SNAP47: variants seen among roughly 807,000 people sequenced by gnomAD.
The protein encoded by SNAP47 is synaptosomal-associated protein 47.
SNAP47 carries 20 observed loss-of-function variants against 31.4 expected under a neutral mutation model. The observed-to-expected ratio is 0.64, with a 90% CI of 0.45 to 0.93. The LOEUF is 0.93. Among genes scored for constraint, SNAP47 ranks in the 40% least tolerant of loss-of-function variants. The probability of loss-of-function intolerance (pLI) is 0.00; values close to 1 mark genes in which losing one functional copy is unlikely to be tolerated. For missense variants in SNAP47, 492 were observed against 528.5 expected (o/e 0.93, Z 0.68); for synonymous variants, 194 against 213.4 (o/e 0.91, Z 0.79).
upstream of SNAP47, chr1:227,732,902 G>C: frequency 6.2e-7 from 1 of 1,612,756 alleles, no homozygotes; most frequent in Admixed American, 1.7e-5. Context: ...GGTGCCAGTC[G>C]GGCATGGAGT....
Position 227,766,987 on chromosome 1 carries a change from C to T in SNAP47, c.1017C>T (p.His339=). 2 of 1,613,948 alleles carry T rather than the reference C, an allele frequency of 1.2e-6. No individual in the cohort carries two copies. Among genetic ancestry groups the T allele is most frequent in the Non-Finnish European group, 1.7e-6 (2 of 1,180,038 alleles). ...CTGGGCTGATGGGCCGTACCCTGCA[C>T]CGTGAGCCACCCGCAGGAGACCAGG... is the stretch of plus-strand genomic sequence containing the variant. ...AASGLMGRTL[H]REPPAGDQEG... The change falls in exon 4 of 5, where the codon CAC becomes CAT. Residue 339 remains histidine, a synonymous_variant. Coordinates refer to ENST00000617596, the MANE Select transcript of SNAP47 (RefSeq NM_053052.4).
At chr1:227,776,011 C>T (rs1664138216) in intron 4 of SNAP47, 3 of 1,221,502 alleles carry the variant, frequency 2.5e-6, no homozygotes, top group Admixed American at 3.0e-5. Flanking sequence ...TGGTGCTATC[C>T]TGGGGGACCA....
At position 227,741,677 on chromosome 1, in the gene SNAP47, A is replaced by G. The variant is rs1661609009; in HGVS notation, c.-45-6015A>G. 6.6e-6 allele frequency among the ~76,000 whole-genome samples: 1 copy of G among 152,006 alleles called. No individual in the cohort carries two copies. Among genetic ancestry groups the G allele is most frequent in the African/African-American group, 2.4e-5 (1 of 41,378 alleles). On this transcript the variant is annotated intron_variant, in intron 1 of 4. Transcript: ENST00000617596. This position sits in a 1 kb window ranked among gnomAD's most constrained non-coding sequence, Gnocchi z 4.2. ...GGTCTGGCCTTGGAGGTGAAAAGGG[A>G]CCACGTTCTCCTGTGGCCTCTGTGT...
At chr1:227,744,586 C>T (rs1372201956) in intron 1 of SNAP47, among the ~76,000 whole-genome samples, 1 of 151,654 alleles carries the variant, frequency 6.6e-6, no homozygotes, top group Non-Finnish European at 1.5e-5. Context: ...CCCTCCTCTC[C>T]TTCCTCCTCA....
At chr1:227,737,316 T>C (rs1661284510) in intron 1 of SNAP47, among the ~76,000 whole-genome samples, 1 of 152,192 alleles carries the variant, frequency 6.6e-6, no homozygotes, top group South Asian at 2.1e-4. Flanking sequence ...CCCAGGCGTC[T>C]TGACAGGGAG....
At position 227,756,651 on chromosome 1, in the gene SNAP47, C is replaced by G. The variant is rs934050477; in HGVS notation, c.498-2344C>G. The stretch of plus-strand genomic sequence containing the variant: ...TTTCCAGCAAACAGTTAGGGTGCTG[C>G]CTGTCTGAAATGGGGTAGATCTTGG... On this transcript the variant is annotated intron_variant, in intron 2 of 4. Coordinates refer to ENST00000617596, the MANE Select transcript of SNAP47 (RefSeq NM_053052.4). Among the ~76,000 whole-genome samples the G allele has an allele frequency of 5.9e-5, 9 of 152,330 alleles. No homozygotes were observed. The East Asian group carries it at 1.4e-3, about 23-fold the overall frequency.
At chr1:227,764,398 G>A (rs1179980178) in intron 3 of SNAP47, among the ~76,000 whole-genome samples, 1 of 152,178 alleles carries the variant, frequency 6.6e-6, no homozygotes, top group Non-Finnish European at 1.5e-5. Context: ...AACGGCCTGA[G>A]TGTCTCTGTC....
At chr1:227,777,443 G>A (rs969258234) in intron 4 of SNAP47, among the ~76,000 whole-genome samples, 4 of 152,184 alleles carry the variant, frequency 2.6e-5, no homozygotes, top group African/African-American at 9.7e-5. Context: ...AGGTGGACGG[G>A]CTTCATGCCT....
rs138837631 is a variant in SNAP47, at chr1:227,740,755, G to C, written c.-46+5256G>C. Among the ~76,000 whole-genome samples, 28 of 152,288 alleles carry C rather than the reference G, an allele frequency of 1.8e-4. No individual in the cohort carries two copies. The East Asian group carries it at 5.0e-3, about 27-fold the overall frequency. On this transcript the variant is annotated intron_variant, in intron 1 of 4. Transcript: ENST00000617596. ...GACATGCTCATGGCATGTTTCTTGA[G>C]GGGGAGGAAGAGAGGAGTCAGAAGT...
intron 2 of SNAP47, among the ~76,000 whole-genome samples, chr1:227,757,572 C>T (rs1662774641): frequency 6.6e-6 from 1 of 152,188 alleles, no homozygotes. Context: ...GTACTGTAAA[C>T]TCTTGCTGAG....
chr1:227,761,939 T>C (rs543246934), intron 3 of SNAP47, among the ~76,000 whole-genome samples: 2 of 152,306 alleles, frequency 1.3e-5, no homozygotes, highest in East Asian at 3.9e-4. Flanking sequence ...TATCACCTTT[T>C]CTGGGGGCCT....
chr1:227,773,462 CTG>C (rs1381934447), intron 4 of SNAP47, among the ~76,000 whole-genome samples: 2 of 152,082 alleles, frequency 1.3e-5, no homozygotes, highest in African/African-American at 4.8e-5. Context: ...TAAGGCTCAC[CTG>C]TTATTGAAGA....
chr1:227,775,796 G>A (rs771678789), intron 4 of SNAP47: 31 of 1,303,946 alleles, frequency 2.4e-5, no homozygotes, highest in Admixed American at 1.8e-4. Flanking sequence ...CAGGGCTTCC[G>A]GCCTATGTCG....
chr1:227,778,880 T>C (rs10799447), intron 4 of SNAP47, among the ~76,000 whole-genome samples: 77,762 of 152,080 alleles, frequency 0.51, 19,955 homozygotes, highest in Admixed American at 0.52. Flanking sequence ...CCCGAGGGTG[T>C]AGAAGCCCTG....
intron 3 of SNAP47, among the ~76,000 whole-genome samples, chr1:227,764,680 C>T (rs888597785): frequency 5.3e-5 from 8 of 152,110 alleles, no homozygotes; most frequent in East Asian, 3.9e-4. Flanking sequence ...CAGAGGCGGG[C>T]GAATCACGAG....
chr1:227,771,109 A>G (rs1407592177), intron 4 of SNAP47, among the ~76,000 whole-genome samples: 1 of 152,018 alleles, frequency 6.6e-6, no homozygotes, highest in Non-Finnish European at 1.5e-5. Flanking sequence ...GTGAGTGAGG[A>G]GGGGTGGGGA....
chr1:227,767,188 G>C, intron 4 of SNAP47, 105 bp downstream of exon 4: 3 of 1,498,984 alleles, frequency 2.0e-6, no homozygotes, highest in Non-Finnish European at 2.7e-6. Flanking sequence ...TCATCCATCC[G>C]TATTGGCCTC....
rs563425633 is a variant in SNAP47, at chr1:227,729,676, C to G, written c.-95+890C>G. Among the ~76,000 whole-genome samples, 4 of 152,280 alleles carry G rather than the reference C, an allele frequency of 2.6e-5. No homozygotes were observed. The South Asian group carries it at 6.2e-4, about 24-fold the overall frequency. ...ATGGTCTTGGTCCCTGGGGGAGGCA[C>G]CTTCTCCGGAGGCCACAGCCCCCAG... On this transcript the variant is annotated intron_variant, in intron 1 of 3. Coordinates refer to the SNAP47 transcript ENST00000366760.
Position 227,758,995 on chromosome 1 carries a change from A to C in SNAP47, c.498A>C (p.Arg166Ser). ...TTCCATGTTTTGTTTGCTTTTTCAGATTGCTGACAGAACTGGAATCTCCTG... is the reference window on the plus strand; with the variant it reads ...TTCCATGTTTTGTTTGCTTTTTCAGCTTGCTGACAGAACTGGAATCTCCTG... Reference protein sequence around the residue: ...KMESDLEVADRLLTELESPAW... With the variant: ...KMESDLEVADSLLTELESPAW... The change falls in exon 3 of 5, where the codon AGA (arginine) becomes AGC (serine). Residue 166 changes from arginine to serine, a missense_variant and splice_region_variant. Arg to Ser is a moderately radical substitution (Grantham distance 110). Coordinates refer to ENST00000617596, the MANE Select transcript of SNAP47 (RefSeq NM_053052.4). The C allele has an allele frequency of 6.4e-7, 1 of 1,569,868 alleles. No homozygotes were observed. The highest frequency in any genetic ancestry group is 8.6e-7 in the Non-Finnish European group (1 of 1,161,934).
Sources: allele counts gnomAD v4.1 joint callset (sites outside exome capture counted in the v4.1 genomes callset), GRCh38; gene constraint gnomAD v4.1.1; non-coding constraint Gnocchi (gnomAD v3.1); transcripts MANE v1.5; gene names NCBI Gene and HGNC (gene_info 2026-07-23, HGNC 2026-07-21).